Variants in ERAP1 observed in about 807,000 individuals in gnomAD.
ERAP1 encodes the protein adipocyte-derived leucine aminopeptidase.
ERAP1 carries 86 observed loss-of-function variants against 103.7 expected under a neutral mutation model. That is an observed-to-expected ratio of 0.83 (90% CI 0.70 to 0.99). ERAP1 has a LOEUF of 0.99. Ranked by LOEUF, ERAP1 falls within the 50% of genes least tolerant of loss-of-function variation. ERAP1 has a pLI of 0.00. For synonymous variants in ERAP1, 398 were observed against 402.4 expected, an observed-to-expected ratio of 0.99 and a Z score of 0.13; for missense variants, 1,009 against 1,128.4, an observed-to-expected ratio of 0.89 and a Z score of 1.52.
chr5:96,902,941 G>A, the ERAP1 span: 10 of 154,572 alleles, frequency 6.5e-5, no homozygotes, highest in East Asian at 1.9e-4. Context: ...GAGGTTTTCC[G>A]TCACAAAGTC....
upstream of ERAP1, chr5:96,808,109 G>A: frequency 1.0e-6 from 1 of 985,852 alleles, no homozygotes; most frequent in African/African-American, 1.7e-5. Context: ...GTAAATGAGC[G>A]CTGCACGCCG....
At position 96,803,500 on chromosome 5, in the gene ERAP1, G is replaced by C; in HGVS notation, c.427C>G (p.Leu143Val). Residue 143 changes from leucine (L) to valine (V), a missense_variant, in exon 2 of 19, where the codon CTC (leucine) becomes GTC (valine). By Grantham distance (32) the Leu-to-Val change is conservative (BLOSUM62 1). Around this residue, in one of 3 missense-constraint regions of ERAP1, gnomAD observed 392 missense variants for 455.2 expected, o/e 0.86. Coordinates refer to ENST00000443439, the MANE Select transcript of ERAP1 (RefSeq NM_001040458.3). ...LLAPEPLLVG[L>V]PYTVVIHYAG... is the part of the protein sequence containing the mutation. The stretch of plus-strand genomic sequence containing the variant: ...TAGTGAATGACAACTGTGTACGGGA[G>C]CCCGACAAGGAGGGGCTCGGGAGCC... 1 of 1,613,402 alleles carries C rather than the reference G, an allele frequency of 6.2e-7. No homozygotes were observed. The highest frequency in any genetic ancestry group is 8.5e-7 in the Non-Finnish European group (1 of 1,179,496).
chr5:96,823,066 C>T, the ERAP1 span: 2 of 456,308 alleles, frequency 4.4e-6, no homozygotes, highest in South Asian at 1.5e-5. Context: ...GCCCTCATCT[C>T]CTAGAGGCCA....
At chr5:96,890,606 T>C in the ERAP1 span, among the ~76,000 whole-genome samples, 6 of 152,342 alleles carry the variant, frequency 3.9e-5, no homozygotes, top group Admixed American at 1.3e-4. Context: ...CCTTTGGAAT[T>C]TAGGATATAC....
the ERAP1 span, chr5:96,913,422 T>C: frequency 6.2e-7 from 1 of 1,614,158 alleles, no homozygotes; most frequent in Middle Eastern, 1.6e-4. Context: ...TAGCATGGGA[T>C]TTTGTAAGAG....
chr5:96,860,050 A>G, the ERAP1 span, among the ~76,000 whole-genome samples: 1 of 152,012 alleles, frequency 6.6e-6, no homozygotes, highest in Non-Finnish European at 1.5e-5. Context: ...CAATCTGTTA[A>G]TTTTATTTAT....
chr5:96,879,383 GGGT>G, the ERAP1 span, among the ~76,000 whole-genome samples: 1 of 152,134 alleles, frequency 6.6e-6, no homozygotes, highest in Non-Finnish European at 1.5e-5. Context: ...GAGTCCTAAA[GGGT>G]TTTTATTTGT....
chr5:96,935,736 A>T, the ERAP1 span: 13,622 of 190,208 alleles, frequency 0.072, 570 homozygotes, highest in Middle Eastern at 0.14. Flanking sequence ...TGGGACCATG[A>T]TTTTCTGGCG....
chr5:96,862,500 A>G, the ERAP1 span, among the ~76,000 whole-genome samples: 1 of 152,218 alleles, frequency 6.6e-6, no homozygotes, highest in Non-Finnish European at 1.5e-5. Context: ...AGAAAATCAG[A>G]AGGCAGCTAT....
the ERAP1 span, among the ~76,000 whole-genome samples, chr5:96,838,590 T>C: frequency 4.6e-5 from 7 of 151,050 alleles, no homozygotes; most frequent in Non-Finnish European, 1.0e-4. Flanking sequence ...TTCCATATAT[T>C]TCCTCCCAAA....
chr5:96,903,932 A>C, the ERAP1 span, among the ~76,000 whole-genome samples: 1 of 152,216 alleles, frequency 6.6e-6, no homozygotes, highest in East Asian at 1.9e-4. Flanking sequence ...CCAAAGTCCC[A>C]AATGGCCTGT....
chr5:96,901,528 C>CAG, the ERAP1 span: 1 of 1,613,584 alleles, frequency 6.2e-7, no homozygotes, highest in Non-Finnish European at 8.5e-7. Flanking sequence ...GGGGAAAATG[C>CAG]AGAGGTCAAA....
the ERAP1 span, among the ~76,000 whole-genome samples, chr5:96,861,495 T>C: frequency 6.6e-6 from 1 of 152,190 alleles, no homozygotes; most frequent in Non-Finnish European, 1.5e-5. Flanking sequence ...GTCTCAAGGT[T>C]CATAAGCAGC....
At chr5:96,877,115 C>T in the ERAP1 span, among the ~76,000 whole-genome samples, 13 of 152,300 alleles carry the variant, frequency 8.5e-5, no homozygotes, top group Non-Finnish European at 1.5e-4. Context: ...GCTAGGACTA[C>T]GGGCATGTGC....
chr5:96,762,296 C>G (rs200609873), exon 20 of ERAP1: 6 of 1,607,100 alleles, frequency 3.7e-6, no homozygotes, highest in Non-Finnish European at 3.4e-6. Flanking sequence ...GCTAAACTTG[C>G]TGCTGCCATC....
Position 96,803,407 on chromosome 5 carries a change from G to A in ERAP1, c.520C>T (p.Leu174=), listed in dbSNP as rs150727280. The A allele has an allele frequency of 1.2e-6, 2 of 1,613,194 alleles. No individual in the cohort carries two copies. Among genetic ancestry groups the A allele is most frequent in the Non-Finnish European group, 8.5e-7 (1 of 1,179,762 alleles). The change falls in exon 2 of 19, where the codon CTG becomes TTG. Residue 174 remains leucine, a synonymous_variant. Transcript: ENST00000443439. ...KSTYRTKEGE[L]RILASTQFEP... is the part of the protein sequence containing the mutation. ...GAAAAAGAGAAAAAAAAATACCTCA[G>A]TTCCCCTTCCTTGGTTCTGTAGGTG... is the stretch of plus-strand genomic sequence containing the variant.
intron 4 of ERAP1, among the ~76,000 whole-genome samples, chr5:96,795,457 G>C (rs139370321): frequency 2.6e-5 from 4 of 152,312 alleles, no homozygotes; most frequent in Non-Finnish European, 5.9e-5. Context: ...TAGACCCTCT[G>C]ATGTCAGGAG....
At chr5:96,881,200 T>C in the ERAP1 span, 51 of 346,162 alleles carry the variant, frequency 1.5e-4, no homozygotes, top group Middle Eastern at 1.0e-3. Flanking sequence ...CTCTGATTTA[T>C]GCTTTATAAA....
rs148815937 is a variant in ERAP1 at position 96,763,212 on chromosome 5, G to A, written c.2835C>T (p.Asp945=). The change falls in exon 20 of 20, where the codon GAC becomes GAT. Residue 945 remains aspartate (D), a synonymous_variant. Coordinates refer to the ERAP1 transcript ENST00000296754. ...TTCTGATGGATTTTCATCCTGTTGC[G>A]TCAGCTTCAGGATCATCTGAAAATA... 57 of 780,576 alleles carry A rather than the reference G, an allele frequency of 7.3e-5. No individual in the cohort carries two copies. The African/African-American group carries it at 7.4e-4, about 10-fold the overall frequency. The allele number at this position is 780,576 out of a possible 1,614,324, so 48.4% of individuals were successfully genotyped here.
Sources: allele counts gnomAD v4.1 joint callset (sites outside exome capture counted in the v4.1 genomes callset), GRCh38; gene constraint gnomAD v4.1.1; regional missense constraint gnomAD v4.1.1; transcripts MANE v1.5; gene names NCBI Gene and HGNC (gene_info 2026-07-23, HGNC 2026-07-21).